Variants in DMXL1 observed in about 807,000 individuals in gnomAD.
DMXL1 encodes dmX-like protein 1.
In DMXL1, 99 loss-of-function variants were observed where a neutral mutation model predicts 319.2. That is an observed-to-expected ratio of 0.31 (90% CI 0.26 to 0.37). The LOEUF is 0.37. Ranked by LOEUF, DMXL1 falls within the 10% of genes least tolerant of loss-of-function variation. DMXL1 has a pLI of 1.00. For missense variants in DMXL1, 3,745 were observed against 3,595.6 expected, an observed-to-expected ratio of 1.04 and a Z score of -1.06; for synonymous variants, 1,385 against 1,235.2, an observed-to-expected ratio of 1.12 and a Z score of -2.54.
chr5:119,188,136 C>T (rs1274601679), intron 28 of DMXL1, among the ~76,000 whole-genome samples: 1 of 152,070 alleles, frequency 6.6e-6, no homozygotes, highest in African/African-American at 2.4e-5. Flanking sequence ...TTTTATCTAC[C>T]AGTGGGTCAG....
chr5:119,181,681 A>G (rs1158485919), intron 28 of DMXL1, among the ~76,000 whole-genome samples: 1 of 152,138 alleles, frequency 6.6e-6, no homozygotes, highest in Non-Finnish European at 1.5e-5. Flanking sequence ...GTGTGGTGGC[A>G]TGTGCCTGTA....
intron 9 of DMXL1, among the ~76,000 whole-genome samples, chr5:119,122,878 C>T (rs942104641): frequency 6.0e-5 from 9 of 150,650 alleles, no homozygotes; most frequent in Non-Finnish European, 9.0e-5. Flanking sequence ...CAGGCAGAGA[C>T]GCTCCTTACT....
At position 119,112,000 on chromosome 5, in the gene DMXL1, G is replaced by A. The variant is rs192135815; in HGVS notation, c.497+1717G>A. ...TTTTGAGACGAAGTCTCGCTCTGTC[G>A]CCCAGCCTGGAATGCAGTGGTGTGA... On this transcript the variant is annotated intron_variant, in intron 5 of 43. Coordinates refer to ENST00000539542, the MANE Select transcript of DMXL1 (RefSeq NM_001290321.3). Among the ~76,000 whole-genome samples the A allele has an allele frequency of 1.1e-4, 16 of 151,578 alleles. No homozygotes were observed. In the East Asian group the frequency reaches 3.1e-3, roughly 29 times the overall value.
intron 9 of DMXL1, chr5:119,127,629 G>T (rs576281879): frequency 6.0e-6 from 1 of 168,060 alleles, no homozygotes; most frequent in East Asian, 1.8e-4. Context: ...AGTAGAGATG[G>T]GGTTTCGTCA....
At chr5:119,193,021 G>C (rs901041470) in intron 29 of DMXL1, among the ~76,000 whole-genome samples, 1 of 152,040 alleles carries the variant, frequency 6.6e-6, no homozygotes. Context: ...CTTGTCTCTA[G>C]CTTCATTACT....
intron 28 of DMXL1, chr5:119,178,461 T>G (rs1776231578): frequency 2.6e-6 from 1 of 392,082 alleles, no homozygotes; most frequent in African/African-American, 2.2e-5. Flanking sequence ...TAGAACGATC[T>G]TATGTAAATT....
intron 13 of DMXL1, among the ~76,000 whole-genome samples, chr5:119,137,878 G>C (rs1025148645): frequency 6.6e-6 from 1 of 152,206 alleles, no homozygotes; most frequent in African/African-American, 2.4e-5. Flanking sequence ...AGGCCACTGT[G>C]GCTGGAGCAG....
At chr5:119,216,036 C>T (rs1783626267) in intron 34 of DMXL1, among the ~76,000 whole-genome samples, 1 of 121,304 alleles carries the variant, frequency 8.2e-6, no homozygotes, top group South Asian at 2.7e-4. Context: ...GCAGAGGTTG[C>T]AGTGAGCTGA....
intron 1 of DMXL1, chr5:119,081,640 T>C (rs1041466639): frequency 1.2e-4 from 116 of 984,700 alleles, no homozygotes; most frequent in African/African-American, 7.4e-4. Flanking sequence ...GAAGAAGATA[T>C]AGAGCCGCAG....
At chr5:119,110,588 A>G (rs914078093) in intron 5 of DMXL1, among the ~76,000 whole-genome samples, 1 of 152,240 alleles carries the variant, frequency 6.6e-6, no homozygotes, top group African/African-American at 2.4e-5. Flanking sequence ...AAGACTTCCT[A>G]TTCTGAAGAA....
At chr5:119,101,207 A>G (rs1294725166) in intron 2 of DMXL1, among the ~76,000 whole-genome samples, 1 of 152,214 alleles carries the variant, frequency 6.6e-6, no homozygotes, top group African/African-American at 2.4e-5. Context: ...AGTGATATCT[A>G]TATCCTAAGA....
intron 37 of DMXL1, 110 bp downstream of exon 37, chr5:119,221,191 T>A: frequency 1.3e-6 from 1 of 757,670 alleles, no homozygotes; most frequent in South Asian, 3.0e-5. Context: ...AAAGTTTTAG[T>A]AAGTCTTACA....
chr5:119,196,494 C>G, intron 31 of DMXL1, 38 bp downstream of exon 31: 3 of 1,079,558 alleles, frequency 2.8e-6, no homozygotes, highest in Non-Finnish European at 4.1e-6. Context: ...GGTGCCATTG[C>G]TTTTGACTTA....
rs1373322432 is a variant in DMXL1, at chr5:119,089,263, CATATATATATATACAT to C, written c.88-8702_88-8687del. The stretch of plus-strand genomic sequence containing the variant: ...ACAAATTGGAGCTCCATTATATATG[CATATATATATATACAT>C]ATATATATATATATTTTTTTTTTTT... On this transcript the variant is annotated intron_variant, in intron 1 of 43. Transcript: ENST00000539542. Among the ~76,000 whole-genome samples the C allele has an allele frequency of 6.2e-5, 5 of 80,876 alleles. No homozygotes were observed. In the East Asian group the frequency reaches 2.6e-3, roughly 43 times the overall value. The allele number at this position is 80,876 out of a possible 152,430, so 53.1% of individuals were successfully genotyped here.
intron 4 of DMXL1, among the ~76,000 whole-genome samples, chr5:119,108,964 G>A (rs941573862): frequency 1.1e-4 from 16 of 151,888 alleles, no homozygotes; most frequent in African/African-American, 3.6e-4. Context: ...ACCATGCCCG[G>A]CTAATTTTGT....
chr5:119,189,439 G>A (rs756218957), intron 28 of DMXL1, among the ~76,000 whole-genome samples: 41 of 152,186 alleles, frequency 2.7e-4, no homozygotes, highest in Non-Finnish European at 4.6e-4. Context: ...ATTTATGGGC[G>A]GATATTACAT....
rs1346608960 is a variant in DMXL1, at chr5:119,240,560, CAT to C, written c.8704+94_8704+95del. The C allele has an allele frequency of 5.2e-6, 5 of 963,796 alleles. No homozygotes were observed. The African/African-American group carries it at 8.3e-5, about 16-fold the overall frequency. The allele number at this position is 963,796 out of a possible 1,614,324, so 59.7% of individuals were successfully genotyped here. ...ATAAGTGGATTTGTTACTGATGACA[CAT>C]ATATTTATTAACCCATGAGATTTCT... On this transcript the variant is annotated intron_variant, in intron 42 of 43. Transcript: ENST00000539542.
At position 119,171,849 on chromosome 5, in the gene DMXL1, A is replaced by G. The variant is rs766820265; in HGVS notation, c.6561A>G (p.Thr2187=). 7.4e-6 allele frequency: 12 copies of G among 1,613,956 alleles called. No homozygotes were observed. Among genetic ancestry groups the G allele is most frequent in the Non-Finnish European group, 1.0e-5 (12 of 1,179,896 alleles). Reference sequence around the variant, plus strand: ...CAGTGCCTCTCCTCTTTGCTTGTACAGCCAATGCCAAAACAGTAGTTGCCA... The same window carrying G: ...CAGTGCCTCTCCTCTTTGCTTGTACGGCCAATGCCAAAACAGTAGTTGCCA... The part of the protein sequence containing the change: ...QTSVPLLFAC[T]ANAKTVVANP... The change falls in exon 25 of 44, where the codon ACA becomes ACG. Residue 2187 remains threonine (T), a synonymous_variant. Coordinates refer to ENST00000539542, the MANE Select transcript of DMXL1 (RefSeq NM_001290321.3).
chr5:119,141,546 G>C (rs112229283), intron 13 of DMXL1, among the ~76,000 whole-genome samples: 84 of 152,210 alleles, frequency 5.5e-4, no homozygotes, highest in Admixed American at 2.2e-3. Flanking sequence ...AGCTATCCAG[G>C]GGGGTGGAAG....
Sources: gnomAD v4.1 joint callset for allele counts (sites outside exome capture counted in the v4.1 genomes callset) on GRCh38, gnomAD v4.1.1 for gene constraint, MANE v1.5 for transcripts, NCBI Gene and HGNC (gene_info 2026-07-23, HGNC 2026-07-21) for gene names.